Variants in PFDN2 observed in about 807,000 individuals in gnomAD.
PFDN2 encodes prefoldin subunit 2, also known as prefoldin 2.
A neutral mutation model predicts 18.3 loss-of-function variants in PFDN2; 7 were observed. The observed-to-expected ratio is 0.38, with a 90% CI of 0.22 to 0.72. The LOEUF (loss-of-function observed/expected upper bound fraction) is 0.72. Among genes scored for constraint, PFDN2 ranks in the 30% least tolerant of loss-of-function variants. The pLI is 0.47. For synonymous variants in PFDN2, 76 were observed against 75.0 expected (o/e 1.01, Z -0.07); for missense variants, 181 against 199.1 (o/e 0.91, Z 0.55).
chr1:161,109,221 T>G (rs1266624358), intron 1 of PFDN2, among the ~76,000 whole-genome samples: 1 of 152,192 alleles, frequency 6.6e-6, no homozygotes, highest in East Asian at 1.9e-4. Flanking sequence ...ACCCTACGTT[T>G]GGTATACTTT....
intron 2 of PFDN2, 32 bp from the exon 3 acceptor site, chr1:161,102,203 AT>A (rs1411919742): frequency 6.2e-7 from 1 of 1,613,880 alleles, no homozygotes; most frequent in Non-Finnish European, 8.5e-7. Context: ...GGACCTGAGG[AT>A]TCAGCCCCAC....
At chr1:161,112,763 A>C (rs757399295) in intron 1 of PFDN2, among the ~76,000 whole-genome samples, 1 of 152,114 alleles carries the variant, frequency 6.6e-6, no homozygotes, top group Non-Finnish European at 1.5e-5. Context: ...GACTCCCCAA[A>C]CCTACCCTAC....
chr1:161,104,787 A>G (rs1244305910), intron 1 of PFDN2, among the ~76,000 whole-genome samples: 1 of 152,124 alleles, frequency 6.6e-6, no homozygotes, highest in East Asian at 1.9e-4. Context: ...TATTATCCAA[A>G]TGGCTGACCT....
At chr1:161,104,780 T>C (rs1204999566) in intron 1 of PFDN2, among the ~76,000 whole-genome samples, 1 of 152,086 alleles carries the variant, frequency 6.6e-6, no homozygotes, top group African/African-American at 2.4e-5. Flanking sequence ...CAGCAAATAT[T>C]ATCCAAATGG....
At chr1:161,109,718 G>C (rs997311466) in intron 1 of PFDN2, among the ~76,000 whole-genome samples, 3 of 152,060 alleles carry the variant, frequency 2.0e-5, no homozygotes, top group Non-Finnish European at 4.4e-5. Context: ...GTGGATCCAG[G>C]CACGGTGGCT....
intron 1 of PFDN2, among the ~76,000 whole-genome samples, chr1:161,103,829 G>A (rs1306687865): frequency 6.6e-6 from 1 of 151,930 alleles, no homozygotes; most frequent in African/African-American, 2.4e-5. Context: ...AAATCAGAGT[G>A]TGGGGGGAAA....
chr1:161,117,950 A>G lies in PFDN2; in HGVS notation c.75+2T>C. The G allele has an allele frequency of 6.2e-7, 1 of 1,610,916 alleles. No homozygotes were observed. The highest frequency in any genetic ancestry group is 8.5e-7 in the Non-Finnish European group (1 of 1,178,368). On this transcript the variant is annotated splice_donor_variant, in intron 1 of 3. Coordinates refer to ENST00000368010, the MANE Select transcript of PFDN2 (RefSeq NM_012394.4). LOFTEE classifies it high-confidence loss of function. ...CCCTGCTTCGCGTTAGCCACTCCTC[A>G]CCTGCTCTGCGGACACCGCCCCCTT...
At chr1:161,103,936 TGTGGTTCTTAACCATG>T (rs1028312025) in intron 1 of PFDN2, among the ~76,000 whole-genome samples, 1 of 152,170 alleles carries the variant, frequency 6.6e-6, no homozygotes, top group Non-Finnish European at 1.5e-5. Context: ...CATTTAACCC[TGTGGTTCTTAACCATG>T]GCTATATGTT....
intron 1 of PFDN2, among the ~76,000 whole-genome samples, chr1:161,111,059 C>T (rs1228392461): frequency 1.3e-5 from 2 of 151,932 alleles, no homozygotes; most frequent in African/African-American, 2.4e-5. Flanking sequence ...CCAGGATGGT[C>T]TCAATCTCCT....
In PFDN2 at chr1:161,100,621, T is replaced by C. The variant is rs1654532232; in HGVS notation, c.*62A>G. ...ACAATAGCAGAGAAAATAATAATAA[T>C]AACAATAAAGAGAAATTAGAAGTGG... is the stretch of plus-strand genomic sequence containing the variant. On this transcript the variant is annotated 3_prime_UTR_variant, in exon 4 of 4. Transcript: ENST00000368010. The C allele has an allele frequency of 9.9e-6, 11 of 1,110,258 alleles. No homozygotes were observed. Among genetic ancestry groups the C allele is most frequent in the African/African-American group, 4.8e-5 (3 of 62,820 alleles). 68.8% of individuals were successfully genotyped at this position (1,110,258 alleles called of 1,614,324 possible). A position where few individuals can be genotyped will look rare whatever the true frequency, so the allele number is the denominator to read the frequency against.
chr1:161,105,268 G>A lies in PFDN2; in HGVS notation c.76-2893C>T, dbSNP rs1005010556. ...TGGGACTACAGACATGTGCCACCAC[G>A]CAATTATTTTTATTTATTTTTATTT... On this transcript the variant is annotated intron_variant, in intron 1 of 3. Coordinates refer to ENST00000368010, the MANE Select transcript of PFDN2 (RefSeq NM_012394.4). 1.2e-3 allele frequency among the ~76,000 whole-genome samples: 179 copies of A among 147,332 alleles called. 1 individual carries two copies. The highest frequency in any genetic ancestry group is 3.6e-4 in the Non-Finnish European group (24 of 66,630).
chr1:161,101,451 G>A (rs1192463646), intron 3 of PFDN2, among the ~76,000 whole-genome samples: 2 of 152,024 alleles, frequency 1.3e-5, no homozygotes, highest in Non-Finnish European at 2.9e-5. Context: ...CGCCCGCCTC[G>A]GCCTCCCAAA....
intron 1 of PFDN2, among the ~76,000 whole-genome samples, chr1:161,117,013 T>C (rs941815214): frequency 2.0e-5 from 3 of 152,132 alleles, no homozygotes; most frequent in African/African-American, 7.2e-5. Context: ...GGCGTGCGGA[T>C]CATTAGGTCA....
intron 1 of PFDN2, among the ~76,000 whole-genome samples, chr1:161,114,271 A>G (rs1654863816): frequency 6.6e-6 from 1 of 152,196 alleles, no homozygotes; most frequent in Non-Finnish European, 1.5e-5. Flanking sequence ...TTCCCCCAAA[A>G]TTGTCTGTCT....
chr1:161,116,684 G>A (rs1343093370), intron 1 of PFDN2, among the ~76,000 whole-genome samples: 1 of 151,450 alleles, frequency 6.6e-6, no homozygotes, highest in Non-Finnish European at 1.5e-5. Context: ...GACCAGCATG[G>A]GCAACATGGT....
chr1:161,102,548 C>T (rs754445547), intron 1 of PFDN2, among the ~76,000 whole-genome samples, 173 bp from the exon 2 acceptor site: 1 of 152,114 alleles, frequency 6.6e-6, no homozygotes, highest in Non-Finnish European at 1.5e-5. Flanking sequence ...ATTCCATTCA[C>T]CAAACACGGA....
Position 161,100,751 on chromosome 1 carries a change from G to A in PFDN2, c.397C>T (p.Pro133Ser). The A allele has an allele frequency of 1.2e-6, 2 of 1,614,056 alleles. No individual in the cohort carries two copies. Among genetic ancestry groups the A allele is most frequent in the Non-Finnish European group, 1.7e-6 (2 of 1,179,918 alleles). The change falls in exon 4 of 4, where the codon CCA becomes TCA. Residue 133 changes from proline (P) to serine (S), a missense_variant. Coordinates refer to ENST00000368010, the MANE Select transcript of PFDN2 (RefSeq NM_012394.4). ...NIRLMGEDEKPAAKENSEGAG... is the reference protein window; with the variant it reads ...NIRLMGEDEKSAAKENSEGAG... ...CCTTCTGAGTTTTCCTTGGCTGCTGGCTTCTCATCTTCTCCCATGAGACGA... is the reference window on the plus strand; with the variant it reads ...CCTTCTGAGTTTTCCTTGGCTGCTGACTTCTCATCTTCTCCCATGAGACGA...
At chr1:161,107,129 A>G (rs1455410714) in intron 1 of PFDN2, among the ~76,000 whole-genome samples, 1 of 152,194 alleles carries the variant, frequency 6.6e-6, no homozygotes, top group Non-Finnish European at 1.5e-5. Context: ...ATATTTTTAA[A>G]AACTGCTTAA....
Position 161,101,241 on chromosome 1 carries a change from C to G in PFDN2, c.289-382G>C, listed in dbSNP as rs558154181. Reference sequence around the variant, plus strand: ...TTGAGTTGCAGCATCGCTGTGTCGCCCAGGCTGGAGTGCAGTGGTGCAATC... The same window carrying G: ...TTGAGTTGCAGCATCGCTGTGTCGCGCAGGCTGGAGTGCAGTGGTGCAATC... On this transcript the variant is annotated intron_variant, in intron 3 of 3. Transcript: ENST00000368010. Among the ~76,000 whole-genome samples, 230 of 151,804 alleles carry G rather than the reference C, an allele frequency of 1.5e-3. 1 individual carries two copies. The highest frequency in any genetic ancestry group is 5.3e-3 in the African/African-American group (218 of 41,362).
Sources: allele counts gnomAD v4.1 joint callset (sites outside exome capture counted in the v4.1 genomes callset), GRCh38; gene constraint gnomAD v4.1.1; transcripts MANE v1.5; gene names NCBI Gene and HGNC (gene_info 2026-07-23, HGNC 2026-07-21).